The following PAX7 variants were observed in gnomAD, a reference collection of about 807,000 sequenced individuals.
PAX7 encodes the protein paired box 7, also known as paired box protein Pax-7.
Under a neutral mutation model 50.7 loss-of-function variants are expected in PAX7, and 18 were observed. The ratio of observed to expected loss-of-function variants is 0.36; its 90% CI spans 0.25 to 0.53. The LOEUF (loss-of-function observed/expected upper bound fraction) is 0.53, where lower values mean the gene tolerates loss of function less well. Ranked by LOEUF, PAX7 falls within the 20% of genes least tolerant of loss-of-function variation. The pLI, the probability that PAX7 is intolerant of heterozygous loss-of-function variation, is 0.93. For missense variants in PAX7, 644 were observed against 702.9 expected (o/e 0.92, Z 0.95); for synonymous variants, 310 against 290.4 (o/e 1.07, Z -0.69).
Position 18,632,182 on chromosome 1 carries a change from T to C in PAX7, c.85+494T>C, listed in dbSNP as rs2088065907. The stretch of plus-strand genomic sequence containing the variant: ...TGCCTCAACTACCACGGCTATCCAT[T>C]TCTTCCGAAGCCACAGTCAAACACT... On this transcript the variant is annotated intron_variant, in intron 1 of 8. Transcript: ENST00000420770. The surrounding 1 kb of genome is among the most constrained non-coding windows in gnomAD (Gnocchi z 6.3). Among the ~76,000 whole-genome samples the C allele has an allele frequency of 6.6e-6, 1 of 152,218 alleles. No homozygotes were observed. Among genetic ancestry groups the C allele is most frequent in the African/African-American group, 2.4e-5 (1 of 41,456 alleles).
At chr1:18,732,255 G>C (rs377358571) in intron 7 of PAX7, among the ~76,000 whole-genome samples, 24 of 152,216 alleles carry the variant, frequency 1.6e-4, no homozygotes, top group African/African-American at 5.3e-4. Flanking sequence ...TAGGCCGACA[G>C]CTCCAGGAGG....
intron 7 of PAX7, among the ~76,000 whole-genome samples, chr1:18,711,059 G>T (rs931988839): frequency 6.6e-6 from 1 of 152,128 alleles, no homozygotes; most frequent in Non-Finnish European, 1.5e-5. Context: ...CCTTCTCTGG[G>T]TCTCTTTCAG....
At chr1:18,643,599 C>G (rs560985846) in intron 4 of PAX7, among the ~76,000 whole-genome samples, 14 of 152,292 alleles carry the variant, frequency 9.2e-5, no homozygotes, top group Non-Finnish European at 1.8e-4. Flanking sequence ...GACCTAGAGA[C>G]AGCCCGCGGG....
At chr1:18,659,683 C>A (rs918145043) in intron 4 of PAX7, among the ~76,000 whole-genome samples, 1 of 152,150 alleles carries the variant, frequency 6.6e-6, no homozygotes, top group Non-Finnish European at 1.5e-5. Flanking sequence ...AGGTGGGAAC[C>A]CTGCCTCTGA....
At chr1:18,648,017 G>A (rs1343811227) in intron 4 of PAX7, among the ~76,000 whole-genome samples, 2 of 152,234 alleles carry the variant, frequency 1.3e-5, no homozygotes, top group African/African-American at 4.8e-5. Context: ...ACTGTTCTGT[G>A]TGTGGAGGGA....
At chr1:18,733,094 T>C (rs1557558644) in intron 7 of PAX7, among the ~76,000 whole-genome samples, 1 of 152,046 alleles carries the variant, frequency 6.6e-6, no homozygotes, top group Non-Finnish European at 1.5e-5. Flanking sequence ...AGGTCTAGAC[T>C]GAGAACCCCA....
chr1:18,682,864 G>A (rs2088919232), intron 4 of PAX7, among the ~76,000 whole-genome samples: 1 of 152,168 alleles, frequency 6.6e-6, no homozygotes, highest in South Asian at 2.1e-4. Flanking sequence ...TTCAAGGACT[G>A]GTCTCAAGGG....
At chr1:18,724,169 A>G (rs2089527525) in intron 7 of PAX7, among the ~76,000 whole-genome samples, 1 of 152,118 alleles carries the variant, frequency 6.6e-6, no homozygotes, top group Non-Finnish European at 1.5e-5. Flanking sequence ...TAAGCTTCGA[A>G]ATTGAATTTG....
rs540436838 is a variant in PAX7, at chr1:18,740,079, A to T, written c.1402+4201A>T. 3.3e-5 allele frequency among the ~76,000 whole-genome samples: 5 copies of T among 152,256 alleles called. No homozygotes were observed. The East Asian group carries it at 9.7e-4, about 29-fold the overall frequency. ...GCCAACTCCCAATTAATCTAATTTG[A>T]GACATTTAGAGCCCAGCCACGGGCG... On this transcript the variant is annotated intron_variant, in intron 8 of 8. Transcript: ENST00000420770.
At chr1:18,743,913 G>T (rs1028037798) in intron 8 of PAX7, among the ~76,000 whole-genome samples, 3 of 152,138 alleles carry the variant, frequency 2.0e-5, no homozygotes, top group Non-Finnish European at 4.4e-5. Flanking sequence ...TGCAAATGTT[G>T]CTCTTCTGTG....
At chr1:18,680,297 C>T (rs1367657814) in intron 4 of PAX7, among the ~76,000 whole-genome samples, 1 of 152,266 alleles carries the variant, frequency 6.6e-6, no homozygotes, top group East Asian at 1.9e-4. Context: ...TGACAAGTGA[C>T]ATGCTCAGGG....
At chr1:18,740,510 T>A (rs1931074231) in intron 8 of PAX7, among the ~76,000 whole-genome samples, 2 of 152,250 alleles carry the variant, frequency 1.3e-5, no homozygotes, top group Admixed American at 6.5e-5. Flanking sequence ...AGGAGAACGC[T>A]GATACCTAAA....
At chr1:18,660,319 C>A (rs187644095) in intron 4 of PAX7, among the ~76,000 whole-genome samples, 49 of 152,276 alleles carry the variant, frequency 3.2e-4, no homozygotes, top group Non-Finnish European at 5.3e-4. Context: ...ACACAGCAGG[C>A]CTCTGACACA....
intron 7 of PAX7, among the ~76,000 whole-genome samples, chr1:18,727,304 CTCACACATGCACACACAGTAT>C (rs1475106698): frequency 2.6e-5 from 4 of 151,156 alleles, no homozygotes; most frequent in Non-Finnish European, 2.9e-5. Flanking sequence ...ACACACAGTA[CTCACACATGCACACACAGTAT>C]TCACACATGC....
chr1:18,722,807 C>T (rs1488130104), intron 7 of PAX7, among the ~76,000 whole-genome samples: 4 of 152,128 alleles, frequency 2.6e-5, no homozygotes, highest in Non-Finnish European at 5.9e-5. Flanking sequence ...CCAAATCAGA[C>T]CTGGGTAAAT....
intron 4 of PAX7, among the ~76,000 whole-genome samples, chr1:18,662,732 A>G (rs1415479311): frequency 6.6e-6 from 1 of 152,034 alleles, no homozygotes; most frequent in Non-Finnish European, 1.5e-5. Flanking sequence ...CATCATGCTC[A>G]GTTAAATTTT....
intron 4 of PAX7, among the ~76,000 whole-genome samples, chr1:18,670,255 T>C (rs2088724357): frequency 1.3e-5 from 2 of 152,196 alleles, no homozygotes; most frequent in Admixed American, 1.3e-4. Context: ...TAAGTGCCTG[T>C]AGCTTGGTGT....
chr1:18,636,966 C>T lies in PAX7; in HGVS notation c.586+595C>T, dbSNP rs2088169854. On this transcript the variant is annotated intron_variant, in intron 4 of 8. Transcript: ENST00000420770. This position sits in a 1 kb window ranked among gnomAD's most constrained non-coding sequence, Gnocchi z 5.1. ...AGGGCGGACTGGGGGACAGAGAGTG[C>T]CTTCCTCTGTGGCGTGCGCCGGCAG... 6.6e-6 allele frequency among the ~76,000 whole-genome samples: 1 copy of T among 152,190 alleles called. No individual in the cohort carries two copies. Among genetic ancestry groups the T allele is most frequent in the Admixed American group, 6.5e-5 (1 of 15,282 alleles).
chr1:18,711,863 G>A (rs747549108), intron 7 of PAX7, among the ~76,000 whole-genome samples: 7 of 152,112 alleles, frequency 4.6e-5, no homozygotes, highest in Admixed American at 2.0e-4. Flanking sequence ...ACCTGAAGCC[G>A]AATGACATTT....
Sources: gnomAD v4.1 joint callset for allele counts (sites outside exome capture counted in the v4.1 genomes callset) on GRCh38, gnomAD v4.1.1 for gene constraint, Gnocchi (gnomAD v3.1) non-coding constraint, MANE v1.5 for transcripts, NCBI Gene and HGNC (gene_info 2026-07-23, HGNC 2026-07-21) for gene names.